Variants in ANKRD22 observed in about 807,000 individuals in gnomAD.
ANKRD22 encodes ankyrin repeat domain-containing protein 22.
In ANKRD22, 24 loss-of-function variants were observed where a neutral mutation model predicts 25.7. That is an observed-to-expected ratio of 0.93 (90% CI 0.68 to 1.31). The LOEUF is 1.31. Among genes scored for constraint, ANKRD22 ranks in the 50% most tolerant of loss-of-function variants. The pLI, the probability that ANKRD22 is intolerant of heterozygous loss-of-function variation, is 0.00. For synonymous variants in ANKRD22, 84 were observed against 84.3 expected (o/e 1.00, Z 0.02); for missense variants, 214 against 227.1 (o/e 0.94, Z 0.37).
chr10:88,821,370 T>A lies in ANKRD22; in HGVS notation c.*1571A>T, dbSNP rs1022033574. Among the ~76,000 whole-genome samples the A allele has an allele frequency of 9.2e-5, 14 of 152,268 alleles. No individual in the cohort carries two copies. The highest frequency in any genetic ancestry group is 3.1e-4 in the African/African-American group (13 of 41,474). The stretch of plus-strand genomic sequence containing the variant: ...ACTCATTGACAAACCATGATTTATT[T>A]CTTCAGAAAATTATTCCACTTTTAC... On this transcript the variant is annotated 3_prime_UTR_variant, in exon 6 of 6. Transcript: ENST00000371930.
Position 88,820,558 on chromosome 10 carries a change from T to G in ANKRD22, c.*2383A>C, listed in dbSNP as rs1344867415. On this transcript the variant is annotated 3_prime_UTR_variant, in exon 6 of 6. Coordinates refer to ENST00000371930, the MANE Select transcript of ANKRD22 (RefSeq NM_144590.3). ...TCCTGAGGGATGGGGCTAGGACCCA[T>G]GAAGGCAGAATTACGGAGAGCAGAG... The G allele has an allele frequency of 6.7e-7, 1 of 1,490,990 alleles. No individual in the cohort carries two copies. The highest frequency in any genetic ancestry group is 1.4e-5 in the African/African-American group (1 of 71,682). 92.4% of individuals were successfully genotyped at this position (1,490,990 alleles called of 1,614,324 possible).
At chr10:88,847,450 G>A (rs529382258) in intron 1 of ANKRD22, among the ~76,000 whole-genome samples, 1 of 152,006 alleles carries the variant, frequency 6.6e-6, no homozygotes, top group Admixed American at 6.6e-5. Flanking sequence ...GTAGAGACAG[G>A]GTTTCACCTT....
chr10:88,834,960 A>C (rs1474882828), intron 1 of ANKRD22, among the ~76,000 whole-genome samples: 2 of 152,058 alleles, frequency 1.3e-5, no homozygotes, highest in African/African-American at 2.4e-5. Flanking sequence ...GAAAAAAAAG[A>C]GAAAGTTTTG....
Position 88,828,571 on chromosome 10 carries a change from C to T in ANKRD22, c.309G>A (p.Gly103=). ...IILLMPVLLI[G]YFLMVSKTKQ... ...GTGTTGTACTCACCATGAGGAAATA[C>T]CCAATAAGCAGAACAGGCATTAAGA... Residue 103 remains glycine, a synonymous_variant, in exon 3 of 6, where the codon GGG becomes GGA. Coordinates refer to ENST00000371930, the MANE Select transcript of ANKRD22 (RefSeq NM_144590.3). 1 of 1,604,192 alleles carries T rather than the reference C, an allele frequency of 6.2e-7. No homozygotes were observed. Among genetic ancestry groups the T allele is most frequent in the Middle Eastern group, 1.7e-4 (1 of 6,038 alleles).
At chr10:88,848,236 A>G (rs1184156232) in intron 1 of ANKRD22, among the ~76,000 whole-genome samples, 3 of 149,712 alleles carry the variant, frequency 2.0e-5, no homozygotes, top group Admixed American at 2.0e-4. Context: ...CAGGAACTAG[A>G]AGATGCCTGA....
chr10:88,848,249 C>T lies in ANKRD22; in HGVS notation c.21+3338G>A, dbSNP rs755387653. On this transcript the variant is annotated intron_variant, in intron 1 of 5. Coordinates refer to ENST00000371930, the MANE Select transcript of ANKRD22 (RefSeq NM_144590.3). The stretch of plus-strand genomic sequence containing the variant: ...ACCAGGAACTAGAAGATGCCTGAAA[C>T]ATAGTATGTACTCAATAAATATGGT... Among the ~76,000 whole-genome samples the T allele has an allele frequency of 4.5e-4, 68 of 149,588 alleles. 1 individual carries two copies. Among genetic ancestry groups the T allele is most frequent in the South Asian group, 1.7e-3 (8 of 4,776 alleles).
chr10:88,839,517 C>A (rs1297617807), intron 1 of ANKRD22, among the ~76,000 whole-genome samples: 2 of 150,246 alleles, frequency 1.3e-5, no homozygotes, highest in Non-Finnish European at 2.9e-5. Context: ...CTTCAAGGCC[C>A]ATCTCATGGT....
At chr10:88,850,954 C>A (rs532998380) in intron 1 of ANKRD22, among the ~76,000 whole-genome samples, 2 of 152,060 alleles carry the variant, frequency 1.3e-5, no homozygotes, top group African/African-American at 4.8e-5. Flanking sequence ...GTACTCTTGT[C>A]TAAACATTCC....
intron 1 of ANKRD22, among the ~76,000 whole-genome samples, chr10:88,834,229 A>G (rs1479459604): frequency 6.6e-6 from 1 of 152,246 alleles, no homozygotes; most frequent in Non-Finnish European, 1.5e-5. Context: ...TAAGTCACCA[A>G]CTCTTAATTT....
At chr10:88,826,855 C>T (rs1368975801) in intron 3 of ANKRD22, among the ~76,000 whole-genome samples, 1 of 152,202 alleles carries the variant, frequency 6.6e-6, no homozygotes, top group Non-Finnish European at 1.5e-5. Flanking sequence ...CACCCTCTAA[C>T]TCTCATGGGG....
chr10:88,838,886 T>G (rs573061890), intron 1 of ANKRD22, among the ~76,000 whole-genome samples: 2 of 152,062 alleles, frequency 1.3e-5, no homozygotes, highest in Admixed American at 6.6e-5. Context: ...GAAAACAGAC[T>G]AGTAGGCGAG....
At chr10:88,836,241 A>C (rs1400493945) in intron 1 of ANKRD22, among the ~76,000 whole-genome samples, 1 of 152,208 alleles carries the variant, frequency 6.6e-6, no homozygotes, top group African/African-American at 2.4e-5. Context: ...CTAGACTGTA[A>C]GCTATATAAG....
Position 88,823,395 on chromosome 10 carries a change from C to T in ANKRD22, c.400-17G>A. 6.3e-7 allele frequency: 1 copy of T among 1,596,552 alleles called. No homozygotes were observed. The highest frequency in any genetic ancestry group is 8.6e-7 in the Non-Finnish European group (1 of 1,164,218). On this transcript the variant is annotated splice_polypyrimidine_tract_variant and intron_variant, in intron 4 of 5. Coordinates refer to ENST00000371930, the MANE Select transcript of ANKRD22 (RefSeq NM_144590.3). ...ACAGCCATACTGAAACACAAAGGGC[C>T]AAAACTTCAGCTCATAAGTCGGGCC...
At chr10:88,850,564 T>C (rs1261023557) in intron 1 of ANKRD22, among the ~76,000 whole-genome samples, 2 of 152,102 alleles carry the variant, frequency 1.3e-5, no homozygotes, top group Non-Finnish European at 2.9e-5. Context: ...ACTCTCTGGG[T>C]TGGAGTCCCT....
chr10:88,825,808 G>T (rs1001391479), intron 4 of ANKRD22, among the ~76,000 whole-genome samples: 1 of 152,060 alleles, frequency 6.6e-6, no homozygotes. Flanking sequence ...CAACATTAAA[G>T]CCAATTATTT....
intron 2 of ANKRD22, among the ~76,000 whole-genome samples, chr10:88,829,420 C>T (rs888532926): frequency 2.0e-5 from 3 of 152,086 alleles, no homozygotes; most frequent in African/African-American, 7.2e-5. Context: ...TTTATATTTT[C>T]TGTAAAAAAA....
intron 4 of ANKRD22, among the ~76,000 whole-genome samples, chr10:88,825,009 TCTCA>T (rs1396901086): frequency 5.9e-3 from 778 of 132,894 alleles, no homozygotes; most frequent in African/African-American, 8.0e-3. Context: ...TCTCTCTCTC[TCTCA>T]CACACACACA....
intron 2 of ANKRD22, among the ~76,000 whole-genome samples, chr10:88,829,401 A>G (rs543933620): frequency 1.3e-5 from 2 of 152,356 alleles, no homozygotes; most frequent in East Asian, 1.9e-4. Flanking sequence ...TTTTTCTAAT[A>G]TGAAGGCATT....
intron 1 of ANKRD22, among the ~76,000 whole-genome samples, chr10:88,838,242 T>A (rs1011301892): frequency 6.6e-6 from 1 of 152,146 alleles, no homozygotes; most frequent in South Asian, 2.1e-4. Flanking sequence ...GAGTTTGTGA[T>A]TTTCTTCAGC....
Sources: allele counts gnomAD v4.1 joint callset (sites outside exome capture counted in the v4.1 genomes callset), GRCh38; gene constraint gnomAD v4.1.1; transcripts MANE v1.5; gene names NCBI Gene and HGNC (gene_info 2026-07-23, HGNC 2026-07-21).